Variants in RIMKLB observed in about 807,000 individuals in gnomAD.
The protein encoded by RIMKLB is ribosomal modification protein rimK like family member B.
A neutral mutation model predicts 32.0 loss-of-function variants in RIMKLB; 7 were observed. That is an observed-to-expected ratio of 0.22 (90% CI 0.12 to 0.41). The LOEUF (loss-of-function observed/expected upper bound fraction) is 0.41. Among genes scored for constraint, RIMKLB ranks in the 10% least tolerant of loss-of-function variants. RIMKLB has a pLI of 1.00. For synonymous variants in RIMKLB, 172 were observed against 185.1 expected (o/e 0.93, Z 0.57); for missense variants, 289 against 498.7 (o/e 0.58, Z 4.00).
intron 1 of RIMKLB, among the ~76,000 whole-genome samples, chr12:8,686,773 C>T (rs981747923): frequency 1.3e-5 from 2 of 152,200 alleles, no homozygotes; most frequent in Non-Finnish European, 2.9e-5. Flanking sequence ...TGAGCCACCA[C>T]ACCCGGCCTC....
downstream of RIMKLB, among the ~76,000 whole-genome samples, chr12:8,781,507 C>G (rs761463902): frequency 6.6e-6 from 1 of 150,844 alleles, no homozygotes; most frequent in Admixed American, 6.6e-5. Flanking sequence ...ATGTTCCACT[C>G]TGCCATCAGT....
intron 2 of RIMKLB, among the ~76,000 whole-genome samples, chr12:8,716,189 G>A (rs1019568575): frequency 2.0e-5 from 3 of 152,110 alleles, no homozygotes; most frequent in African/African-American, 7.2e-5. Context: ...GTAGAAATGG[G>A]CATCTCTATT....
chr12:8,678,613 C>A (rs1942358769), upstream of RIMKLB, among the ~76,000 whole-genome samples: 1 of 152,212 alleles, frequency 6.6e-6, no homozygotes, highest in Non-Finnish European at 1.5e-5. Flanking sequence ...CAGGCATGAG[C>A]CACTGCGCCC....
chr12:8,754,220 A>G lies in RIMKLB; in HGVS notation c.697+127A>G, dbSNP rs1232632219. On this transcript the variant is annotated intron_variant, in intron 5 of 5. Coordinates refer to ENST00000535829, the MANE Select transcript of RIMKLB (RefSeq NM_001297776.2). ...AAAACGTATTTCCTTTTACATGTAAATATGATTTTTACACATGCCATCAAT... is the reference window on the plus strand; with the variant it reads ...AAAACGTATTTCCTTTTACATGTAAGTATGATTTTTACACATGCCATCAAT... 20 of 682,824 alleles carry G rather than the reference A, an allele frequency of 2.9e-5. No individual in the cohort carries two copies. In the Admixed American group the frequency reaches 4.1e-4, roughly 14 times the overall value. The allele number at this position is 682,824 out of a possible 1,614,324, so 42.3% of individuals were successfully genotyped here.
intron 5 of RIMKLB, among the ~76,000 whole-genome samples, chr12:8,758,001 G>T (rs976832879): frequency 2.8e-5 from 4 of 141,814 alleles, no homozygotes; most frequent in African/African-American, 1.1e-4. Context: ...TCGCTATATT[G>T]CCCAGGCAGG....
At chr12:8,753,745 TA>T (rs1251556759) in intron 4 of RIMKLB, 144 bp from the exon 5 acceptor site, 1 of 647,516 alleles carries the variant, frequency 1.5e-6, no homozygotes. Context: ...ATTTCACTGT[TA>T]AAACAGTTCT....
At chr12:8,749,219 A>AT (rs34847350) in intron 2 of RIMKLB, among the ~76,000 whole-genome samples, 2,617 of 140,994 alleles carry the variant, frequency 0.019, 28 homozygotes, top group African/African-American at 0.028. Flanking sequence ...AACCACTTAG[A>AT]TTTTTTTTTT....
Position 8,775,850 on chromosome 12 carries a change from A to G in RIMKLB, c.*2066A>G. On this transcript the variant is annotated 3_prime_UTR_variant, in exon 6 of 6. Coordinates refer to ENST00000535829, the MANE Select transcript of RIMKLB (RefSeq NM_001297776.2). ...TCTTAGGATATTCTAATTGCATTTA[A>G]AAGAACTTATCTTGCGCAGGGTAAA... 1.0e-6 allele frequency: 1 copy of G among 985,174 alleles called. No individual in the cohort carries two copies. Among genetic ancestry groups the G allele is most frequent in the Non-Finnish European group, 1.2e-6 (1 of 829,668 alleles). 61.0% of individuals were successfully genotyped at this position (985,174 alleles called of 1,614,324 possible). A position where few individuals can be genotyped will look rare whatever the true frequency, so the allele number is the denominator to read the frequency against.
At chr12:8,708,920 T>C (rs960302594) in intron 1 of RIMKLB, among the ~76,000 whole-genome samples, 1 of 152,222 alleles carries the variant, frequency 6.6e-6, no homozygotes, top group African/African-American at 2.4e-5. Context: ...AAAGGTACTT[T>C]TGTCAGTAGT....
At chr12:8,763,488 A>T (rs889937335) in intron 5 of RIMKLB, among the ~76,000 whole-genome samples, 1 of 152,236 alleles carries the variant, frequency 6.6e-6, no homozygotes, top group African/African-American at 2.4e-5. Flanking sequence ...ATTCAGCAGA[A>T]GCCTGTTATG....
intron 2 of RIMKLB, among the ~76,000 whole-genome samples, chr12:8,738,626 C>T (rs992362015): frequency 1.3e-5 from 2 of 151,994 alleles, no homozygotes; most frequent in Non-Finnish European, 2.9e-5. Flanking sequence ...ACACACAACA[C>T]GATTGCAAAA....
At chr12:8,756,866 A>G (rs1949081740) in intron 5 of RIMKLB, among the ~76,000 whole-genome samples, 2 of 151,422 alleles carry the variant, frequency 1.3e-5, no homozygotes, top group Non-Finnish European at 2.9e-5. Context: ...TAATTTTTGT[A>G]TTTTTAGTAG....
rs747693278 is a variant in RIMKLB, at chr12:8,739,616, A to C, written c.176-10246A>C. On this transcript the variant is annotated intron_variant, in intron 2 of 5. Transcript: ENST00000535829. ...CTCCTGAGTAGCTGGGGCTATAGGC[A>C]TATGCCATCATGCTGGACTGATTTT... Among the ~76,000 whole-genome samples the C allele has an allele frequency of 2.0e-5, 3 of 152,160 alleles. No individual in the cohort carries two copies. In the South Asian group the frequency reaches 6.2e-4, roughly 32 times the overall value.
intron 1 of RIMKLB, among the ~76,000 whole-genome samples, chr12:8,704,257 C>A (rs1159206498): frequency 6.6e-6 from 1 of 151,976 alleles, no homozygotes; most frequent in Non-Finnish European, 1.5e-5. Context: ...GCGGTGTGTG[C>A]TTGTGGTCCC....
chr12:8,754,707 T>C (rs928091927), intron 5 of RIMKLB, among the ~76,000 whole-genome samples: 1 of 152,222 alleles, frequency 6.6e-6, no homozygotes, highest in Non-Finnish European at 1.5e-5. Flanking sequence ...GCTTACTCAG[T>C]ATCTCCAAAA....
intron 5 of RIMKLB, among the ~76,000 whole-genome samples, chr12:8,769,551 T>C (rs1022384907): frequency 6.6e-6 from 1 of 152,212 alleles, no homozygotes; most frequent in Non-Finnish European, 1.5e-5. Flanking sequence ...TTTGTGTTTA[T>C]TATTTAACTC....
intron 2 of RIMKLB, among the ~76,000 whole-genome samples, chr12:8,747,082 T>C (rs1474554835): frequency 6.6e-6 from 1 of 152,114 alleles, no homozygotes; most frequent in Non-Finnish European, 1.5e-5. Flanking sequence ...ATTCTCAAGA[T>C]GGAATGAGGA....
In RIMKLB at chr12:8,719,822, G is replaced by A. The variant is rs774627311; in HGVS notation, c.175+5781G>A. Reference sequence around the variant, plus strand: ...AAATACAAAATTGCATTCATGAAATGCCTGTTTCATAAAGGACAATGTACA... The same window carrying A: ...AAATACAAAATTGCATTCATGAAATACCTGTTTCATAAAGGACAATGTACA... On this transcript the variant is annotated intron_variant, in intron 2 of 5. Transcript: ENST00000535829. Among the ~76,000 whole-genome samples the A allele has an allele frequency of 3.7e-4, 57 of 152,322 alleles. 1 individual carries two copies. The highest frequency in any genetic ancestry group is 3.4e-3 in the Middle Eastern group (1 of 294).
At chr12:8,777,725 T>C, downstream of RIMKLB, 2 of 1,255,044 alleles carry the variant, frequency 1.6e-6, no homozygotes, top group South Asian at 2.7e-5. Context: ...TAAACTCCCC[T>C]TCCCCCAATA....
Sources: gnomAD v4.1 joint callset for allele counts (sites outside exome capture counted in the v4.1 genomes callset) on GRCh38, gnomAD v4.1.1 for gene constraint, MANE v1.5 for transcripts, NCBI Gene and HGNC (gene_info 2026-07-23, HGNC 2026-07-21) for gene names.